Variants in MAN1A2 observed in about 807,000 individuals in gnomAD.
MAN1A2 encodes mannosyl-oligosaccharide 1,2-alpha-mannosidase IB.
Under a neutral mutation model 75.7 loss-of-function variants are expected in MAN1A2, and 26 were observed. That is an observed-to-expected ratio of 0.34 (90% CI 0.25 to 0.48). The LOEUF is 0.48. Among genes scored for constraint, MAN1A2 ranks in the 20% least tolerant of loss-of-function variants. The pLI, the probability that MAN1A2 is intolerant of heterozygous loss-of-function variation, is 0.99. For missense variants in MAN1A2, 562 were observed against 775.5 expected (o/e 0.72, Z 3.27); for synonymous variants, 247 against 264.6 (o/e 0.93, Z 0.65).
rs1457502656 is a variant in MAN1A2, at chr1:117,368,370, C to T, written c.187C>T (p.His63Tyr). The change falls in exon 1 of 13, where the codon CAC becomes TAC. Residue 63 changes from histidine (H) to tyrosine (Y), a missense_variant. By Grantham distance (83) the His-to-Tyr change is moderately conservative (BLOSUM62 2). Coordinates refer to ENST00000356554, the MANE Select transcript of MAN1A2 (RefSeq NM_006699.5). ...AFFFLPDSSKHKRFDLGLEDV... is the reference protein window; with the variant it reads ...AFFFLPDSSKYKRFDLGLEDV... The stretch of plus-strand genomic sequence containing the variant: ...CTTTTTCCTTCCAGACTCTTCAAAA[C>T]ACAAACGCTTTGATTTGGGTTTAGA... 1 of 1,614,064 alleles carries T rather than the reference C, an allele frequency of 6.2e-7. No homozygotes were observed. Among genetic ancestry groups the T allele is most frequent in the African/African-American group, 1.3e-5 (1 of 75,026 alleles).
At chr1:117,385,996 G>GTACC (rs1316738925) in intron 1 of MAN1A2, among the ~76,000 whole-genome samples, 1 of 152,140 alleles carries the variant, frequency 6.6e-6, no homozygotes, top group Non-Finnish European at 1.5e-5. Context: ...CAGGTATATA[G>GTACC]TACCAGCCAT....
At chr1:117,380,961 A>G (rs1047224568) in intron 1 of MAN1A2, among the ~76,000 whole-genome samples, 17 of 152,180 alleles carry the variant, frequency 1.1e-4, no homozygotes, top group South Asian at 6.2e-4. Flanking sequence ...TATTATTATC[A>G]TCTTAATAAT....
intron 5 of MAN1A2, among the ~76,000 whole-genome samples, chr1:117,435,146 G>A (rs1299895058): frequency 6.6e-6 from 1 of 152,078 alleles, no homozygotes; most frequent in Non-Finnish European, 1.5e-5. Context: ...AATGGGTCTG[G>A]TGTTCAATGG....
intron 1 of MAN1A2, among the ~76,000 whole-genome samples, chr1:117,400,932 G>T (rs1037707648): frequency 6.6e-6 from 1 of 151,790 alleles, no homozygotes; most frequent in Non-Finnish European, 1.5e-5. Flanking sequence ...TCATATTGTT[G>T]TACAACCATC....
chr1:117,519,689 C>T (rs1350969897), intron 12 of MAN1A2, among the ~76,000 whole-genome samples: 3 of 151,564 alleles, frequency 2.0e-5, no homozygotes, highest in Non-Finnish European at 4.4e-5. Flanking sequence ...GGTAATTTAA[C>T]AATTACCAAC....
chr1:117,448,760 G>A (rs1649315912), intron 6 of MAN1A2, among the ~76,000 whole-genome samples: 1 of 152,198 alleles, frequency 6.6e-6, no homozygotes, highest in African/African-American at 2.4e-5. Flanking sequence ...CTGTAATGGA[G>A]TGATGGGAGT....
chr1:117,410,790 A>G (rs553826155), intron 3 of MAN1A2, among the ~76,000 whole-genome samples: 3 of 151,920 alleles, frequency 2.0e-5, no homozygotes, highest in South Asian at 4.1e-4. Context: ...TGCAAAACCA[A>G]TTATGTGTCT....
At chr1:117,431,759 G>A (rs907771855) in intron 5 of MAN1A2, among the ~76,000 whole-genome samples, 2 of 152,074 alleles carry the variant, frequency 1.3e-5, no homozygotes, top group Admixed American at 6.5e-5. Context: ...GACCAGCCTC[G>A]GCAAACATGG....
chr1:117,429,838 C>T (rs868081566), intron 5 of MAN1A2, among the ~76,000 whole-genome samples: 8 of 81,030 alleles, frequency 9.9e-5, no homozygotes, highest in African/African-American at 2.4e-4. Flanking sequence ...CCGGAGGGGG[C>T]GGCTGGCCGG....
intron 6 of MAN1A2, among the ~76,000 whole-genome samples, chr1:117,453,554 G>T (rs1225143158): frequency 6.6e-6 from 1 of 152,182 alleles, no homozygotes; most frequent in African/African-American, 2.4e-5. Flanking sequence ...CTGAAGATGG[G>T]ACCAAATTAC....
At chr1:117,406,467 G>A (rs916307208) in intron 3 of MAN1A2, among the ~76,000 whole-genome samples, 1 of 152,014 alleles carries the variant, frequency 6.6e-6, no homozygotes, top group Non-Finnish European at 1.5e-5. Context: ...TCAAATAACA[G>A]CAATTTTCTT....
chr1:117,447,139 A>T (rs1175440364), intron 6 of MAN1A2, among the ~76,000 whole-genome samples: 1 of 151,892 alleles, frequency 6.6e-6, no homozygotes, highest in East Asian at 1.9e-4. Context: ...GCTTCACTGT[A>T]TTGTTTTAAC....
chr1:117,474,518 G>A (rs1650257416), intron 8 of MAN1A2, among the ~76,000 whole-genome samples: 1 of 150,932 alleles, frequency 6.6e-6, no homozygotes, highest in Non-Finnish European at 1.5e-5. Flanking sequence ...GGCAATTTTA[G>A]TTTAGATATA....
chr1:117,435,314 T>C (rs984909633), intron 5 of MAN1A2, among the ~76,000 whole-genome samples: 1 of 152,086 alleles, frequency 6.6e-6, no homozygotes, highest in African/African-American at 2.4e-5. Flanking sequence ...AAAGGCCAGA[T>C]AGATGAGGAT....
chr1:117,429,167 T>A (rs1382826779), intron 5 of MAN1A2, among the ~76,000 whole-genome samples: 1 of 147,512 alleles, frequency 6.8e-6, no homozygotes, highest in Non-Finnish European at 1.5e-5. Context: ...TTTTTCTTAG[T>A]GCAGAACAAA....
rs1651910458 is a variant in MAN1A2 at position 117,523,010 on chromosome 1, A to T, written c.*53A>T. The T allele has an allele frequency of 1.2e-6, 2 of 1,600,658 alleles. No individual in the cohort carries two copies. Reference sequence around the variant, plus strand: ...CTGTGTTTTGTTTACATGGACCACTACAGAAATTAGTTTGAAGGGGCGGCT... The same window carrying T: ...CTGTGTTTTGTTTACATGGACCACTTCAGAAATTAGTTTGAAGGGGCGGCT... On this transcript the variant is annotated 3_prime_UTR_variant, in exon 13 of 13. Coordinates refer to ENST00000356554, the MANE Select transcript of MAN1A2 (RefSeq NM_006699.5).
intron 8 of MAN1A2, among the ~76,000 whole-genome samples, chr1:117,475,406 A>G (rs963208971): frequency 4.0e-5 from 6 of 151,392 alleles, no homozygotes; most frequent in African/African-American, 1.5e-4. Flanking sequence ...TGTGAGGTAC[A>G]TGCCAGAACG....
intron 4 of MAN1A2, among the ~76,000 whole-genome samples, chr1:117,416,763 T>C (rs1165885023): frequency 6.6e-6 from 1 of 152,130 alleles, no homozygotes; most frequent in Non-Finnish European, 1.5e-5. Context: ...ATGCAGTAGC[T>C]TGGGCTCTAT....
At position 117,379,238 on chromosome 1, in the gene MAN1A2, GT is replaced by G. The variant is rs575867897; in HGVS notation, c.302+10760del. The stretch of plus-strand genomic sequence containing the variant: ...CCCTGTGTGACTTATTGAAGAGTCT[GT>G]TTTTTTCTCATGGATTTGTAATGTC... On this transcript the variant is annotated intron_variant, in intron 1 of 12. Transcript: ENST00000356554. Among the ~76,000 whole-genome samples, 1,066 of 151,466 alleles carry G rather than the reference GT, an allele frequency of 7.0e-3. 9 individuals carry two copies. Among genetic ancestry groups the G allele is most frequent in the Non-Finnish European group, 0.01 (710 of 67,758 alleles).
Sources: gnomAD v4.1 joint callset for allele counts (sites outside exome capture counted in the v4.1 genomes callset) on GRCh38, gnomAD v4.1.1 for gene constraint, MANE v1.5 for transcripts, NCBI Gene and HGNC (gene_info 2026-07-23, HGNC 2026-07-21) for gene names.